The following EIF4G3 variants were observed in gnomAD, a reference collection of about 807,000 sequenced individuals.
The protein encoded by EIF4G3 is eukaryotic translation initiation factor 4 gamma 3.
In EIF4G3, 34 loss-of-function variants were observed where a neutral mutation model predicts 186.4. The observed-to-expected ratio is 0.18, with a 90% CI of 0.14 to 0.24. The LOEUF is 0.24. EIF4G3 is among the 10% of genes least tolerant of loss of function. EIF4G3 has a pLI of 1.00. For synonymous variants in EIF4G3, 673 were observed against 679.5 expected (o/e 0.99, Z 0.15); for missense variants, 1,536 against 1,948.5 (o/e 0.79, Z 3.99).
At chr1:21,158,736 T>C (rs2097705533) in intron 2 of EIF4G3, among the ~76,000 whole-genome samples, 1 of 137,730 alleles carries the variant, frequency 7.3e-6, no homozygotes, top group Non-Finnish European at 1.7e-5. Context: ...TACATACATA[T>C]ACATACACAC....
At chr1:21,001,862 G>A (rs1357614401) in intron 5 of EIF4G3, among the ~76,000 whole-genome samples, 1 of 152,236 alleles carries the variant, frequency 6.6e-6, no homozygotes, top group Admixed American at 6.5e-5. Context: ...GAAATGAATA[G>A]GAGCTAATGC....
Position 20,973,003 on chromosome 1 carries a change from GT to G in EIF4G3, c.589del (p.Thr197LeufsTer2), listed in dbSNP as rs1290746509. The G allele has an allele frequency of 6.3e-7, 1 of 1,592,684 alleles. No homozygotes were observed. Among genetic ancestry groups the G allele is most frequent in the Non-Finnish European group, 8.5e-7 (1 of 1,173,566 alleles). On this transcript the variant is annotated frameshift_variant and splice_region_variant, in exon 11 of 37. Coordinates refer to ENST00000602326, the MANE Select transcript of EIF4G3 (RefSeq NM_001391906.1). LOFTEE classifies it high-confidence loss of function. ...QPPPAKREKK[T>X]IRIRDPNQGG... The stretch of plus-strand genomic sequence containing the variant: ...GAAAAAGTAATAAAAATCTCTTACA[GT>G]TTTTTTCTCTCTCTTGGCTGGAGGC...
chr1:20,963,514 T>A (rs937880590), intron 12 of EIF4G3, among the ~76,000 whole-genome samples: 1 of 152,156 alleles, frequency 6.6e-6, no homozygotes, highest in African/African-American at 2.4e-5. Context: ...AGATACGCTA[T>A]CAATCCATAA....
At chr1:21,026,461 ACGCT>A (rs1475129571) in intron 4 of EIF4G3, among the ~76,000 whole-genome samples, 1 of 151,966 alleles carries the variant, frequency 6.6e-6, no homozygotes, top group African/African-American at 2.4e-5. Context: ...CAGAGAGAAA[ACGCT>A]CTGAAACACT....
At chr1:21,083,935 GAC>G (rs2095873362) in intron 3 of EIF4G3, among the ~76,000 whole-genome samples, 1 of 151,644 alleles carries the variant, frequency 6.6e-6, no homozygotes, top group Non-Finnish European at 1.5e-5. Flanking sequence ...CAAGATCTAC[GAC>G]ACCACCTTTA....
chr1:20,847,169 G>A (rs1195393765), intron 29 of EIF4G3, among the ~76,000 whole-genome samples: 2 of 152,108 alleles, frequency 1.3e-5, no homozygotes, highest in Non-Finnish European at 2.9e-5. Context: ...TTCCTTATCT[G>A]AAAAATGGGT....
intron 4 of EIF4G3, among the ~76,000 whole-genome samples, chr1:21,003,303 GAC>G (rs773162899): frequency 4.7e-5 from 7 of 150,336 alleles, no homozygotes; most frequent in Admixed American, 1.3e-4. Flanking sequence ...TTTTTTAAGA[GAC>G]AGAGTCTTGA....
intron 29 of EIF4G3, among the ~76,000 whole-genome samples, chr1:20,844,131 C>CA (rs534542481): frequency 1.1e-3 from 166 of 152,220 alleles, no homozygotes; most frequent in African/African-American, 3.9e-3. Context: ...GTGCATGTGT[C>CA]TTTATAAGAG....
intron 34 of EIF4G3, among the ~76,000 whole-genome samples, chr1:20,814,726 TTTAA>T (rs1174587630): frequency 6.8e-6 from 1 of 146,694 alleles, no homozygotes; most frequent in East Asian, 2.1e-4. Flanking sequence ...TAAAAACTAA[TTTAA>T]TTAAGGTTAA....
chr1:20,949,986 A>C lies in EIF4G3; in HGVS notation c.823+17T>G. On this transcript the variant is annotated intron_variant, in intron 13 of 36. Transcript: ENST00000602326. ...AGAGACTAAAGATAAGAGGGAGGAA[A>C]ACAGTCATACACAAACCTTGCTTCT... The C allele has an allele frequency of 6.2e-7, 1 of 1,601,662 alleles. No individual in the cohort carries two copies.
intron 2 of EIF4G3, among the ~76,000 whole-genome samples, chr1:21,144,376 T>C (rs1182632376): frequency 6.6e-6 from 1 of 152,132 alleles, no homozygotes; most frequent in Non-Finnish European, 1.5e-5. Flanking sequence ...ACCTCAGCTC[T>C]TTGAGCAGCT....
At chr1:21,062,557 A>G (rs2094975110) in intron 3 of EIF4G3, among the ~76,000 whole-genome samples, 1 of 152,178 alleles carries the variant, frequency 6.6e-6, no homozygotes, top group Non-Finnish European at 1.5e-5. Flanking sequence ...TAAGCAGTAG[A>G]TATATCCACA....
At chr1:20,951,436 G>C (rs906435524) in intron 12 of EIF4G3, among the ~76,000 whole-genome samples, 1 of 152,030 alleles carries the variant, frequency 6.6e-6, no homozygotes, top group African/African-American at 2.4e-5. Flanking sequence ...AAAAAATGGA[G>C]AGTTACTGTT....
At chr1:20,892,587 T>C (rs2086460353) in intron 18 of EIF4G3, 4 of 1,330,100 alleles carry the variant, frequency 3.0e-6, no homozygotes, top group Non-Finnish European at 4.2e-6. Context: ...CACCAGAGAC[T>C]ATTATTACAA....
chr1:21,157,876 T>A (rs920203724), intron 2 of EIF4G3, among the ~76,000 whole-genome samples: 1 of 152,204 alleles, frequency 6.6e-6, no homozygotes, highest in Non-Finnish European at 1.5e-5. Flanking sequence ...TTTCACTCAG[T>A]TGAGCCTGCA....
chr1:20,926,114 T>C (rs1200372382), intron 14 of EIF4G3, among the ~76,000 whole-genome samples: 2 of 152,230 alleles, frequency 1.3e-5, no homozygotes, highest in African/African-American at 4.8e-5. Context: ...ATTTTAACTT[T>C]TGAATGCTGA....
chr1:20,991,192 A>G (rs2081018847), intron 7 of EIF4G3, among the ~76,000 whole-genome samples: 1 of 152,168 alleles, frequency 6.6e-6, no homozygotes, highest in South Asian at 2.1e-4. Flanking sequence ...TTTAGGTTTC[A>G]CTAAGAATCG....
intron 35 of EIF4G3, among the ~76,000 whole-genome samples, chr1:20,812,904 C>A (rs544056394): frequency 6.6e-6 from 1 of 152,080 alleles, no homozygotes; most frequent in East Asian, 1.9e-4. Context: ...AAGCTACACG[C>A]AACGTAGTGA....
intron 24 of EIF4G3, among the ~76,000 whole-genome samples, chr1:20,859,756 T>C (rs1194586186): frequency 6.6e-6 from 1 of 152,074 alleles, no homozygotes; most frequent in Non-Finnish European, 1.5e-5. Context: ...CACATCACTA[T>C]GTCCAGCAAA....
Sources: gnomAD v4.1 joint callset for allele counts (sites outside exome capture counted in the v4.1 genomes callset) on GRCh38, gnomAD v4.1.1 for gene constraint, MANE v1.5 for transcripts, NCBI Gene and HGNC (gene_info 2026-07-23, HGNC 2026-07-21) for gene names.